Variants in PKD1L1 observed in about 807,000 individuals in gnomAD.
The protein encoded by PKD1L1 is polycystin-1-like protein 1.
Under a neutral mutation model 323.4 loss-of-function variants are expected in PKD1L1, and 236 were observed. That is an observed-to-expected ratio of 0.73 (90% confidence interval 0.66 to 0.81). The LOEUF (loss-of-function observed/expected upper bound fraction) is 0.81, where lower values mean the gene tolerates loss of function less well. PKD1L1 is among the 40% of genes least tolerant of loss of function. The pLI is 0.00. For missense variants in PKD1L1, 3,320 were observed against 3,508.0 expected (o/e 0.95, Z 1.35); for synonymous variants, 1,344 against 1,335.0 (o/e 1.01, Z -0.15).
intron 54 of PKD1L1, among the ~76,000 whole-genome samples, chr7:47,798,437 T>C (rs1411041909): frequency 6.6e-6 from 1 of 152,218 alleles, no homozygotes; most frequent in Non-Finnish European, 1.5e-5. Flanking sequence ...ATGATTAACC[T>C]AAATGTAAAA....
rs760820262 is a variant in PKD1L1, at chr7:47,813,189, G to A, written c.7278C>T (p.Asn2426=). The A allele has an allele frequency of 8.7e-6, 14 of 1,614,086 alleles. No homozygotes were observed. The highest frequency in any genetic ancestry group is 4.0e-5 in the African/African-American group (3 of 74,940). ...NPYLIDPENQ[N]VTLNGPGGCG... ...AGCCCCCAGGACCATTCAGGGTCAC[G>A]TTTTGGTTCTCTGGGTCTATCAGGT... The change falls in exon 49 of 57, where the codon AAC becomes AAT. Residue 2426 remains asparagine (N), a synonymous_variant. Coordinates refer to ENST00000289672, the MANE Select transcript of PKD1L1 (RefSeq NM_138295.5).
Position 47,829,621 on chromosome 7 carries a change from A to G in PKD1L1, c.6559-20T>C. On this transcript the variant is annotated intron_variant, in intron 43 of 56. Coordinates refer to ENST00000289672, the MANE Select transcript of PKD1L1 (RefSeq NM_138295.5). ...GCATACCTGGAAGGAAAAACATGAC[A>G]GCGCAGAGAGCCGCCCTATGTCTGT... is the stretch of plus-strand genomic sequence containing the variant. The G allele has an allele frequency of 1.3e-6, 2 of 1,592,496 alleles. No homozygotes were observed. The highest frequency in any genetic ancestry group is 2.2e-5 in the East Asian group (1 of 44,706).
chr7:47,884,716 A>T, intron 18 of PKD1L1, 59 bp from the exon 19 acceptor site: 1 of 1,386,728 alleles, frequency 7.2e-7, no homozygotes, highest in Non-Finnish European at 1.0e-6. Flanking sequence ...CCCTGAAATT[A>T]ACAGCAGCTC....
intron 46 of PKD1L1, among the ~76,000 whole-genome samples, chr7:47,817,655 G>A (rs903373162): frequency 6.6e-6 from 1 of 152,140 alleles, no homozygotes; most frequent in Admixed American, 6.5e-5. Context: ...GATCACTTGA[G>A]GCCAGGAATT....
At chr7:47,861,797 C>T (rs184053303) in intron 26 of PKD1L1, among the ~76,000 whole-genome samples, 5 of 138,106 alleles carry the variant, frequency 3.6e-5, no homozygotes, top group East Asian at 4.9e-4. Context: ...AGGAGAATGG[C>T]GTGAACCTGG....
chr7:47,815,539 C>T, intron 46 of PKD1L1, 82 bp from the exon 47 acceptor site: 2 of 1,476,944 alleles, frequency 1.4e-6, no homozygotes, highest in South Asian at 2.5e-5. Flanking sequence ...TGTTTTCTTG[C>T]CAATTTTTCT....
chr7:47,898,898 T>TAA (rs781611829), intron 13 of PKD1L1, among the ~76,000 whole-genome samples: 1 of 139,108 alleles, frequency 7.2e-6, no homozygotes, highest in African/African-American at 2.6e-5. Context: ...GTTCTTTTGC[T>TAA]AAAAAAAAAA....
chr7:47,886,865 A>G (rs1405673275), intron 17 of PKD1L1, among the ~76,000 whole-genome samples: 1 of 152,168 alleles, frequency 6.6e-6, no homozygotes, highest in African/African-American at 2.4e-5. Context: ...AGTATCTAGT[A>G]TAACAGTTTT....
At position 47,885,821 on chromosome 7, in the gene PKD1L1, C is replaced by A. The variant is rs1224932305; in HGVS notation, c.3070G>T (p.Asp1024Tyr). Reference sequence around the variant, plus strand: ...GGAGCCTCCCCCAGGACTGCAGAGTCCCCCGCAGGAGGAATCCAGTAGACT... The same window carrying A: ...GGAGCCTCCCCCAGGACTGCAGAGTACCCCGCAGGAGGAATCCAGTAGACT... ...TGVYWIPPAG[D>Y]SAVLGEAPEE... is the part of the protein sequence containing the mutation. The change falls in exon 18 of 57, where the codon GAC (aspartate) becomes TAC (tyrosine). Residue 1024 changes from aspartate to tyrosine, a missense_variant. Asp to Tyr is a radical substitution (Grantham distance 160). Transcript: ENST00000289672. The A allele has an allele frequency of 2.6e-5, 42 of 1,614,056 alleles. 1 individual carries two copies. The Admixed American group carries it at 6.2e-4, about 24-fold the overall frequency.
intron 53 of PKD1L1, among the ~76,000 whole-genome samples, chr7:47,802,604 T>A (rs989812290): frequency 2.6e-5 from 4 of 152,224 alleles, no homozygotes; most frequent in Non-Finnish European, 5.9e-5. Context: ...TCAGCCCTGA[T>A]TGCAATTCTT....
chr7:47,790,432 GC>G (rs1238658096), intron 56 of PKD1L1, among the ~76,000 whole-genome samples: 2 of 151,534 alleles, frequency 1.3e-5, no homozygotes, highest in African/African-American at 2.4e-5. Context: ...CTGGGTTCAC[GC>G]TATTCTCCTG....
chr7:47,897,187 AGGGCAGTTT>A (rs1786955091), intron 14 of PKD1L1, among the ~76,000 whole-genome samples: 3 of 152,236 alleles, frequency 2.0e-5, no homozygotes, highest in Admixed American at 2.0e-4. Flanking sequence ...AGGCAAGGTC[AGGGCAGTTT>A]GGGTGCCGAG....
chr7:47,803,270 G>A lies in PKD1L1; in HGVS notation c.7902C>T (p.Asn2634=). The A allele has an allele frequency of 6.2e-7, 1 of 1,614,162 alleles. No homozygotes were observed. The highest frequency in any genetic ancestry group is 8.5e-7 in the Non-Finnish European group (1 of 1,180,032). Residue 2634 remains asparagine (N), a synonymous_variant, in exon 53 of 57, where the codon AAC becomes AAT. Transcript: ENST00000289672. Reference sequence around the variant, plus strand: ...TCATGGAGGAGCAGGATGCCATTGTGTTTTGAATGCCAGGAAGATAGACGC... The same window carrying A: ...TCATGGAGGAGCAGGATGCCATTGTATTTTGAATGCCAGGAAGATAGACGC... The part of the protein sequence containing the change: ...LKCVYLPGIQ[N]TMASCSSMMR...
intron 56 of PKD1L1, among the ~76,000 whole-genome samples, chr7:47,788,891 T>C (rs1288243007): frequency 6.6e-6 from 1 of 152,110 alleles, no homozygotes; most frequent in Non-Finnish European, 1.5e-5. Context: ...GCCACCGTGC[T>C]TGGCCTATTA....
At chr7:47,953,862 C>T in the PKD1L1 span, among the ~76,000 whole-genome samples, 7 of 152,194 alleles carry the variant, frequency 4.6e-5, no homozygotes, top group Non-Finnish European at 8.8e-5. Context: ...AAGACAAAAA[C>T]ACAAGGTAGA....
chr7:47,944,887 G>T (rs116686787), intron 1 of PKD1L1, among the ~76,000 whole-genome samples: 1 of 152,192 alleles, frequency 6.6e-6, no homozygotes, highest in Non-Finnish European at 1.5e-5. Context: ...ACTAAGGTGC[G>T]GGTTTCCTGG....
rs1173596306 is a variant in PKD1L1, at chr7:47,808,261, C to T, written c.7813G>A (p.Ala2605Thr). ...CRAFMDLTLM[A>T]SWNQRARWLR... is the part of the protein sequence containing the mutation. ...ACACCGTGTACCTGATTCCATGATG[C>T]CATAAGGGTGAGGTCCATAAATGCT... The change falls in exon 52 of 57, where the codon GCA becomes ACA. Residue 2605 changes from alanine to threonine, a missense_variant. Ala to Thr is a moderately conservative substitution (Grantham distance 58, BLOSUM62 0). Transcript: ENST00000289672. 6.2e-7 allele frequency: 1 copy of T among 1,614,142 alleles called. No individual in the cohort carries two copies. The highest frequency in any genetic ancestry group is 8.5e-7 in the Non-Finnish European group (1 of 1,180,016).
intron 55 of PKD1L1, among the ~76,000 whole-genome samples, chr7:47,793,988 T>C (rs924338503): frequency 2.0e-5 from 3 of 152,164 alleles, no homozygotes; most frequent in African/African-American, 7.2e-5. Context: ...ATTTTTAGGG[T>C]ATCTGGCAGA....
intron 56 of PKD1L1, among the ~76,000 whole-genome samples, chr7:47,784,663 G>A (rs1478510703): frequency 1.3e-5 from 2 of 151,948 alleles, no homozygotes; most frequent in Non-Finnish European, 2.9e-5. Flanking sequence ...AGTAGAAACG[G>A]GGTTTCACCA....
Sources: gnomAD v4.1 joint callset for allele counts (sites outside exome capture counted in the v4.1 genomes callset) on GRCh38, gnomAD v4.1.1 for gene constraint, MANE v1.5 for transcripts, NCBI Gene and HGNC (gene_info 2026-07-23, HGNC 2026-07-21) for gene names.